Variants in GSTCD observed in about 807,000 individuals in gnomAD.
GSTCD encodes glutathione S-transferase C-terminal domain containing, also known as glutathione S-transferase C-terminal domain-containing protein.
In GSTCD, 44 loss-of-function variants were observed where a neutral mutation model predicts 68.3. That is an observed-to-expected ratio of 0.64 (90% CI 0.51 to 0.83). GSTCD has a LOEUF of 0.83. GSTCD is among the 40% of genes least tolerant of loss of function. GSTCD has a pLI of 0.00. For missense variants in GSTCD, 739 were observed against 735.9 expected (o/e 1.00, Z -0.05); for synonymous variants, 273 against 255.2 (o/e 1.07, Z -0.67).
intron 5 of GSTCD, among the ~76,000 whole-genome samples, chr4:105,743,210 A>C (rs1733692704): frequency 6.6e-6 from 1 of 151,994 alleles, no homozygotes; most frequent in African/African-American, 2.4e-5. Flanking sequence ...TTGGCCTCCC[A>C]AAGTACTGGG....
In GSTCD at chr4:105,717,989, C is replaced by A; in HGVS notation, c.376C>A (p.Leu126Ile). 1 of 1,612,650 alleles carries A rather than the reference C, an allele frequency of 6.2e-7. No homozygotes were observed. The highest frequency in any genetic ancestry group is 1.3e-5 in the African/African-American group (1 of 74,900). ...TGAAGCAGACCCCTTAAAGAAGGAA[C>A]TTTTGGAACTTCTGGGCTTTAAAAA... Reference protein sequence around the residue: ...SYEADPLKKELLELLGFKKTC... With the variant: ...SYEADPLKKEILELLGFKKTC... The change falls in exon 2 of 12, where the codon CTT becomes ATT. Residue 126 changes from leucine (L) to isoleucine (I), a missense_variant. Physicochemically the swap from Leu to Ile is conservative, Grantham distance 5. Transcript: ENST00000515279.
At chr4:105,764,684 T>C (rs1241394159) in intron 5 of GSTCD, among the ~76,000 whole-genome samples, 1 of 152,204 alleles carries the variant, frequency 6.6e-6, no homozygotes, top group Non-Finnish European at 1.5e-5. Context: ...TATGACCTCA[T>C]GTAACCCTAA....
intron 11 of GSTCD, 40 bp from the exon 12 acceptor site, chr4:105,845,401 G>A (rs1724508711): frequency 6.2e-7 from 1 of 1,612,522 alleles, no homozygotes; most frequent in South Asian, 1.1e-5. Flanking sequence ...TGTCCTGCTA[G>A]TGAAAGGGTG....
intron 11 of GSTCD, among the ~76,000 whole-genome samples, chr4:105,844,913 A>G (rs909078023): frequency 5.3e-5 from 8 of 152,242 alleles, no homozygotes; most frequent in Non-Finnish European, 1.2e-4. Context: ...ACTCAACATT[A>G]CATTTCCACC....
intron 3 of GSTCD, among the ~76,000 whole-genome samples, chr4:105,721,949 A>G (rs891340319): frequency 6.6e-6 from 1 of 152,208 alleles, no homozygotes; most frequent in African/African-American, 2.4e-5. Flanking sequence ...ATGAATAGCT[A>G]TACTAGGGCA....
intron 5 of GSTCD, among the ~76,000 whole-genome samples, chr4:105,749,554 GGAA>G (rs1367644589): frequency 2.6e-5 from 4 of 151,164 alleles, no homozygotes; most frequent in Non-Finnish European, 4.4e-5. Flanking sequence ...GCAACTCAAT[GGAA>G]GAAGGATAGT....
intron 5 of GSTCD, among the ~76,000 whole-genome samples, chr4:105,751,475 A>C (rs1021777847): frequency 6.6e-6 from 1 of 152,206 alleles, no homozygotes; most frequent in Non-Finnish European, 1.5e-5. Context: ...ACTAGTATAC[A>C]CAGATAAACA....
chr4:105,773,003 G>A (rs1734915037), intron 5 of GSTCD, among the ~76,000 whole-genome samples: 1 of 151,928 alleles, frequency 6.6e-6, no homozygotes, highest in Non-Finnish European at 1.5e-5. Flanking sequence ...TTTTTTGGTT[G>A]GTAGGCTATT....
chr4:105,759,249 T>A (rs1020112388), intron 5 of GSTCD, among the ~76,000 whole-genome samples: 1 of 152,150 alleles, frequency 6.6e-6, no homozygotes, highest in African/African-American at 2.4e-5. Context: ...AGAATTTGTT[T>A]AGAAAAGTCT....
At chr4:105,793,753 G>C (rs2149257257) in intron 5 of GSTCD, among the ~76,000 whole-genome samples, 1 of 151,908 alleles carries the variant, frequency 6.6e-6, no homozygotes, top group South Asian at 2.1e-4. Flanking sequence ...CCACAAGCCA[G>C]TAAAAAAAAT....
At chr4:105,797,760 CTTTTTTTTTT>C (rs70941218) in intron 5 of GSTCD, among the ~76,000 whole-genome samples, 7 of 84,938 alleles carry the variant, frequency 8.2e-5, no homozygotes, top group South Asian at 4.4e-4. Flanking sequence ...CACAATAGAA[CTTTTTTTTTT>C]TTTTTTTTTT....
rs554449708 is a variant in GSTCD at position 105,729,379 on chromosome 4, T to G, written c.1147-27T>G. 66 of 1,417,762 alleles carry G rather than the reference T, an allele frequency of 4.7e-5. No homozygotes were observed. In the South Asian group the frequency reaches 7.8e-4, roughly 17 times the overall value. 87.8% of individuals were successfully genotyped at this position (1,417,762 alleles called of 1,614,324 possible). ...AATAAGACTATATTAATTCCTTAATTTAGAAAGAGGCTATTTCCTTTTCTA... is the reference window on the plus strand; with the variant it reads ...AATAAGACTATATTAATTCCTTAATGTAGAAAGAGGCTATTTCCTTTTCTA... On this transcript the variant is annotated intron_variant, in intron 4 of 11. Transcript: ENST00000515279.
intron 5 of GSTCD, among the ~76,000 whole-genome samples, chr4:105,806,709 G>A (rs1401126298): frequency 6.6e-6 from 1 of 151,994 alleles, no homozygotes; most frequent in African/African-American, 2.4e-5. Context: ...CTCTTCAAAT[G>A]TTCAGTACTT....
At chr4:105,754,847 A>G (rs1269466697) in intron 5 of GSTCD, among the ~76,000 whole-genome samples, 1 of 151,974 alleles carries the variant, frequency 6.6e-6, no homozygotes, top group African/African-American at 2.4e-5. Flanking sequence ...AATAATTCAC[A>G]TTTTGATATT....
At chr4:105,812,015 C>G (rs143808450) in intron 5 of GSTCD, among the ~76,000 whole-genome samples, 47 of 152,214 alleles carry the variant, frequency 3.1e-4, no homozygotes, top group African/African-American at 1.1e-3. Context: ...ATTAAGAATG[C>G]AATTGGAAAA....
intron 1 of GSTCD, among the ~76,000 whole-genome samples, chr4:105,717,332 G>A (rs1560791103): frequency 6.6e-6 from 1 of 152,080 alleles, no homozygotes; most frequent in Non-Finnish European, 1.5e-5. Context: ...TGATTGGGAG[G>A]GCTCTATTGC....
intron 5 of GSTCD, among the ~76,000 whole-genome samples, chr4:105,768,824 ATAT>A (rs1198408732): frequency 4.6e-5 from 7 of 151,660 alleles, no homozygotes; most frequent in Non-Finnish European, 1.0e-4. Flanking sequence ...TTCAGGATTT[ATAT>A]TATTCTCATA....
In GSTCD at chr4:105,820,826, A is replaced by G. The variant is rs760892823; in HGVS notation, c.1241-2128A>G. ...GTATTAGCAAGAAAAATAGATCTCT[A>G]TCAGCATTTGCTTTTGAAACAGACC... is the stretch of plus-strand genomic sequence containing the variant. On this transcript the variant is annotated intron_variant, in intron 5 of 11. Transcript: ENST00000515279. Among the ~76,000 whole-genome samples the G allele has an allele frequency of 4.9e-4, 74 of 151,806 alleles. 1 individual carries two copies. The highest frequency in any genetic ancestry group is 3.2e-3 in the Middle Eastern group (1 of 316).
At chr4:105,794,587 A>G (rs951824005) in intron 5 of GSTCD, among the ~76,000 whole-genome samples, 1 of 151,958 alleles carries the variant, frequency 6.6e-6, no homozygotes, top group Non-Finnish European at 1.5e-5. Context: ...TCTAAAAAAT[A>G]AAGTCTATAA....
Sources: allele counts gnomAD v4.1 joint callset (sites outside exome capture counted in the v4.1 genomes callset), GRCh38; gene constraint gnomAD v4.1.1; transcripts MANE v1.5; gene names NCBI Gene and HGNC (gene_info 2026-07-23, HGNC 2026-07-21).